The following SLC24A4 variants were observed in gnomAD, a reference collection of about 807,000 sequenced individuals.
SLC24A4 encodes the protein solute carrier family 24 member 4.
SLC24A4 carries 53 observed loss-of-function variants against 79.0 expected under a neutral mutation model. That is an observed-to-expected ratio of 0.67 (90% CI 0.54 to 0.84). SLC24A4 has a LOEUF of 0.84. SLC24A4 is among the 40% of genes least tolerant of loss of function. The probability of loss-of-function intolerance (pLI) is 0.00; values close to 1 mark genes in which losing one functional copy is unlikely to be tolerated. For synonymous variants in SLC24A4, 323 were observed against 323.8 expected (o/e 1.00, Z 0.03); for missense variants, 731 against 822.0 (o/e 0.89, Z 1.35).
intron 2 of SLC24A4, among the ~76,000 whole-genome samples, chr14:92,365,583 C>T (rs1163654996): frequency 2.0e-5 from 3 of 152,216 alleles, no homozygotes; most frequent in Non-Finnish European, 4.4e-5. Context: ...TCTGTGGGGA[C>T]CCATGGTGGC....
At chr14:92,390,612 G>A (rs1037321710) in intron 2 of SLC24A4, among the ~76,000 whole-genome samples, 1 of 152,164 alleles carries the variant, frequency 6.6e-6, no homozygotes, top group Non-Finnish European at 1.5e-5. Flanking sequence ...ACTGTACTCT[G>A]TCCCCTGCCC....
At position 92,456,340 on chromosome 14, in the gene SLC24A4, G is replaced by A. The variant is rs9323875; in HGVS notation, c.1051-64G>A. On this transcript the variant is annotated intron_variant, in intron 11 of 16. Coordinates refer to ENST00000532405, the MANE Select transcript of SLC24A4 (RefSeq NM_153646.4). The stretch of plus-strand genomic sequence containing the variant: ...GCAGGGTGCGTGTGAGGGACCCAGC[G>A]TATAGCAATAGCATGATGCTTTATC... The A allele has an allele frequency of 8.8e-4, 1,371 of 1,563,008 alleles. 10 individuals are homozygous for A. In the African/African-American group the frequency reaches 0.016, roughly 18 times the overall value.
intron 12 of SLC24A4, among the ~76,000 whole-genome samples, chr14:92,470,905 T>C (rs1007105346): frequency 5.3e-5 from 8 of 152,220 alleles, no homozygotes; most frequent in African/African-American, 1.9e-4. Context: ...CTGACAAGGC[T>C]AGACCCAGGG....
chr14:92,471,182 C>G (rs1595340619), intron 12 of SLC24A4, among the ~76,000 whole-genome samples: 1 of 152,168 alleles, frequency 6.6e-6, no homozygotes, highest in African/African-American at 2.4e-5. Flanking sequence ...GCATCAGTAT[C>G]CCATTACTGT....
chr14:92,488,076 T>G (rs1406255885), intron 14 of SLC24A4, among the ~76,000 whole-genome samples: 1 of 145,490 alleles, frequency 6.9e-6, no homozygotes, highest in Non-Finnish European at 1.5e-5. Flanking sequence ...TTCTTCCTCT[T>G]TTTTTTTTTT....
intron 2 of SLC24A4, among the ~76,000 whole-genome samples, chr14:92,397,773 G>A (rs1242064895): frequency 2.0e-5 from 3 of 152,222 alleles, no homozygotes; most frequent in African/African-American, 7.2e-5. Flanking sequence ...ATCTAGTGCT[G>A]CAAGTTGAGA....
chr14:92,399,528 G>C (rs1176502543), intron 2 of SLC24A4, among the ~76,000 whole-genome samples: 1 of 152,140 alleles, frequency 6.6e-6, no homozygotes, highest in Non-Finnish European at 1.5e-5. Context: ...GTATTTCCTG[G>C]TGTTGACTTC....
intron 3 of SLC24A4, among the ~76,000 whole-genome samples, chr14:92,434,443 G>C (rs1274831252): frequency 6.6e-6 from 1 of 152,132 alleles, no homozygotes; most frequent in Non-Finnish European, 1.5e-5. Context: ...CTATTTTTCA[G>C]TGTTATGATG....
In SLC24A4 at chr14:92,494,400, G is replaced by A. The variant is rs1237881582; in HGVS notation, c.*772G>A. The A allele has an allele frequency of 5.9e-5, 9 of 152,512 alleles. No individual in the cohort carries two copies. The highest frequency in any genetic ancestry group is 2.2e-4 in the African/African-American group (9 of 41,448). 9.4% of individuals were successfully genotyped at this position (152,512 alleles called of 1,614,324 possible). On this transcript the variant is annotated 3_prime_UTR_variant, in exon 17 of 17. Coordinates refer to ENST00000532405, the MANE Select transcript of SLC24A4 (RefSeq NM_153646.4). This position sits in a 1 kb window ranked among gnomAD's most constrained non-coding sequence, Gnocchi z 4.6. ...GATACACACCAAAAAAGTAATGATC[G>A]TAAAGACACAAATCCTCTGTATGCC...
At chr14:92,487,870 C>T (rs759739027) in intron 14 of SLC24A4, among the ~76,000 whole-genome samples, 4 of 152,050 alleles carry the variant, frequency 2.6e-5, no homozygotes, top group Admixed American at 2.6e-4. Context: ...CCAGTGGTCA[C>T]GCAATCCTTG....
chr14:92,486,857 A>G, intron 14 of SLC24A4, 77 bp downstream of exon 14: 1 of 1,060,630 alleles, frequency 9.4e-7, no homozygotes, highest in Non-Finnish European at 1.4e-6. Context: ...CTTACAGTTG[A>G]CCAAGTTGTG....
At chr14:92,377,511 G>C (rs1888585428) in intron 2 of SLC24A4, among the ~76,000 whole-genome samples, 1 of 152,176 alleles carries the variant, frequency 6.6e-6, no homozygotes, top group Non-Finnish European at 1.5e-5. Flanking sequence ...GAGAGAGGTG[G>C]GAAGGGTTTT....
intron 12 of SLC24A4, among the ~76,000 whole-genome samples, chr14:92,461,712 C>T (rs1416965982): frequency 6.6e-6 from 1 of 152,092 alleles, no homozygotes; most frequent in South Asian, 2.1e-4. Flanking sequence ...AATTTGGAGG[C>T]GGGTAGGGGG....
intron 2 of SLC24A4, among the ~76,000 whole-genome samples, chr14:92,370,685 G>A (rs79784583): frequency 6.5e-4 from 99 of 152,194 alleles, no homozygotes; most frequent in Admixed American, 1.4e-3. Context: ...AAACTAGAGG[G>A]GGCAGTCATA....
intron 3 of SLC24A4, among the ~76,000 whole-genome samples, chr14:92,438,916 G>T (rs1046664711): frequency 6.6e-6 from 1 of 152,152 alleles, no homozygotes; most frequent in Non-Finnish European, 1.5e-5. Flanking sequence ...GGTCTTTCTG[G>T]TGACCTGCCC....
intron 2 of SLC24A4, among the ~76,000 whole-genome samples, chr14:92,361,283 AT>A (rs11337954): frequency 0.86 from 119,489 of 138,672 alleles, 52,784 homozygotes; most frequent in Non-Finnish European, 0.96. Context: ...GCTAACAACT[AT>A]TTTTTTTTTT....
rs115538828 is a variant in SLC24A4 at position 92,339,480 on chromosome 14, T to C, written c.241+13502T>C. Among the ~76,000 whole-genome samples the C allele has an allele frequency of 3.3e-3, 505 of 152,300 alleles. 2 individuals are homozygous for C. The highest frequency in any genetic ancestry group is 0.011 in the African/African-American group (454 of 41,566). ...TGGTCTGTTATTATCATCCCCATTA[T>C]ACGAAAGATGTGAGTAAGGCACAGA... On this transcript the variant is annotated intron_variant, in intron 2 of 16. Transcript: ENST00000532405.
At chr14:92,454,744 T>G (rs1893360820) in intron 11 of SLC24A4, among the ~76,000 whole-genome samples, 1 of 152,166 alleles carries the variant, frequency 6.6e-6, no homozygotes, top group Admixed American at 6.5e-5. Flanking sequence ...TGCCTACGGG[T>G]TCATATTGTA....
intron 13 of SLC24A4, chr14:92,483,972 A>G (rs1895217961): frequency 1.0e-6 from 1 of 985,414 alleles, no homozygotes; most frequent in Non-Finnish European, 1.2e-6. Flanking sequence ...TTGGTGGGGA[A>G]CAAAGGATCC....
Sources: gnomAD v4.1 joint callset for allele counts (sites outside exome capture counted in the v4.1 genomes callset) on GRCh38, gnomAD v4.1.1 for gene constraint, Gnocchi (gnomAD v3.1) non-coding constraint, MANE v1.5 for transcripts, NCBI Gene and HGNC (gene_info 2026-07-23, HGNC 2026-07-21) for gene names.